ROBO2: variants seen among roughly 807,000 people sequenced by gnomAD.
The protein encoded by ROBO2 is roundabout guidance receptor 2.
Under a neutral mutation model 160.8 loss-of-function variants are expected in ROBO2, and 53 were observed. That is an observed-to-expected ratio of 0.33 (90% CI 0.26 to 0.41). The LOEUF (loss-of-function observed/expected upper bound fraction) is 0.41. ROBO2 is among the 10% of genes least tolerant of loss of function. The probability of loss-of-function intolerance (pLI) is 1.00; values close to 1 mark genes in which losing one functional copy is unlikely to be tolerated. For synonymous variants in ROBO2, 664 were observed against 611.7 expected (o/e 1.09, Z -1.26); for missense variants, 1,577 against 1,722.4 (o/e 0.92, Z 1.49).
rs369512857 is a variant in ROBO2 at position 76,446,146 on chromosome 3, G to A, written c.109+508544G>A. 1.9e-3 allele frequency among the ~76,000 whole-genome samples: 282 copies of A among 152,190 alleles called. 1 individual carries two copies. The highest frequency in any genetic ancestry group is 0.015 in the South Asian group (73 of 4,820). On this transcript the variant is annotated intron_variant, in intron 2 of 26. Transcript: ENST00000487694. The stretch of plus-strand genomic sequence containing the variant: ...GATTGTACATTTAGAAAACCCCATC[G>A]TCTCAGCCCAAAATCTCCTTAATCT...
At position 77,617,466 on chromosome 3, in the gene ROBO2, G is replaced by A. The variant is rs201224556; in HGVS notation, c.3294-47G>A. On this transcript the variant is annotated intron_variant, in intron 21 of 25. Transcript: ENST00000461745. The stretch of plus-strand genomic sequence containing the variant: ...CCAGTATAATTGTGTGCATGTATGT[G>A]TATATGTATTTGTGTCAATGTGCAT... The A allele has an allele frequency of 2.5e-6, 4 of 1,606,818 alleles. No homozygotes were observed. In the South Asian group the frequency reaches 3.3e-5, roughly 13 times the overall value.
At chr3:76,349,194 C>T (rs141325340) in intron 2 of ROBO2, among the ~76,000 whole-genome samples, 74 of 152,052 alleles carry the variant, frequency 4.9e-4, no homozygotes, top group African/African-American at 1.7e-3. Context: ...TTTAAAAGTA[C>T]TTCCTGATTT....
At chr3:76,523,357 C>T (rs2107923746) in intron 2 of ROBO2, among the ~76,000 whole-genome samples, 1 of 151,478 alleles carries the variant, frequency 6.6e-6, no homozygotes, top group East Asian at 1.9e-4. Context: ...TCTCATTTTA[C>T]CTTCCTTCTG....
intron 2 of ROBO2, among the ~76,000 whole-genome samples, chr3:77,277,169 T>TTTCTTTCTTTCTTTC (rs768434495): frequency 0.012 from 1,123 of 95,280 alleles, 10 homozygotes; most frequent in African/African-American, 0.024. Flanking sequence ...TCTTTCTTTC[T>TTTCTTTCTTTCTTTC]TTCTTTCTTT....
chr3:77,300,815 G>T (rs1291021018), intron 2 of ROBO2, among the ~76,000 whole-genome samples: 1 of 151,528 alleles, frequency 6.6e-6, no homozygotes, highest in Non-Finnish European at 1.5e-5. Flanking sequence ...GAGTTGGGGG[G>T]CTTATTTTAA....
chr3:77,205,660 A>G (rs1297057392), intron 2 of ROBO2, among the ~76,000 whole-genome samples: 2 of 152,030 alleles, frequency 1.3e-5, no homozygotes, highest in African/African-American at 2.4e-5. Flanking sequence ...TCTCCTCTCC[A>G]TATCACATGC....
rs541752783 is a variant in ROBO2 at position 76,227,270 on chromosome 3, A to G, written c.109+289668A>G. ...TTAGCTCTGTTCTTAATGTTCTGCC[A>G]TTATTGCGAAGAGTACCAAATGTAA... On this transcript the variant is annotated intron_variant, in intron 2 of 26. Coordinates refer to the ROBO2 transcript ENST00000487694. Among the ~76,000 whole-genome samples, 5 of 152,300 alleles carry G rather than the reference A, an allele frequency of 3.3e-5. No homozygotes were observed. In the South Asian group the frequency reaches 8.3e-4, roughly 25 times the overall value.
intron 6 of ROBO2, among the ~76,000 whole-genome samples, chr3:77,544,608 T>C (rs2092623413): frequency 6.6e-6 from 1 of 152,090 alleles, no homozygotes; most frequent in African/African-American, 2.4e-5. Flanking sequence ...GAAGAATTGG[T>C]TGCGTGTTTG....
intron 2 of ROBO2, among the ~76,000 whole-genome samples, chr3:76,520,773 G>GACAAAACAAA (rs536538735): frequency 4.4e-4 from 67 of 152,018 alleles, no homozygotes; most frequent in African/African-American, 1.6e-3. Context: ...TCCACATCTT[G>GACAAAACAAA]ACAAAACAAA....
intron 6 of ROBO2, among the ~76,000 whole-genome samples, chr3:77,538,334 C>T (rs1030035251): frequency 5.9e-5 from 9 of 151,784 alleles, no homozygotes; most frequent in Non-Finnish European, 1.2e-4. Flanking sequence ...GCCGCCACGA[C>T]GCCCAGATAA....
In ROBO2 at chr3:77,644,811, G is replaced by A. The variant is rs2095395242; in HGVS notation, c.4042G>A (p.Val1348Met). The A allele has an allele frequency of 1.9e-6, 3 of 1,613,984 alleles. No homozygotes were observed. In the African/African-American group the frequency reaches 4.0e-5, roughly 22 times the overall value. Residue 1348 changes from valine (V) to methionine (M), a missense_variant, in exon 25 of 26, where the codon GTG becomes ATG. Coordinates refer to ENST00000461745, the Ensembl canonical transcript of ROBO2. ...ATCCACTGGACCTAGGAAAACCGAGGTGTTGAGAGCAGGCCACCAGCGCAA... is the reference window on the plus strand; with the variant it reads ...ATCCACTGGACCTAGGAAAACCGAGATGTTGAGAGCAGGCCACCAGCGCAA...
intron 1 of ROBO2, among the ~76,000 whole-genome samples, chr3:77,046,272 T>G (rs1456148307): frequency 4.6e-5 from 7 of 152,232 alleles, no homozygotes; most frequent in Admixed American, 4.6e-4. Flanking sequence ...CGAAGGGCCT[T>G]ATGAGTTGGG....
At chr3:76,932,034 A>G (rs1251271434) in intron 2 of ROBO2, among the ~76,000 whole-genome samples, 2 of 152,194 alleles carry the variant, frequency 1.3e-5, no homozygotes, top group African/African-American at 2.4e-5. Flanking sequence ...AACATCCTCC[A>G]AAGACTTTAA....
rs147265806 is a variant in ROBO2, at chr3:77,292,832, C to A, written c.389-184582C>A. Among the ~76,000 whole-genome samples the A allele has an allele frequency of 5.3e-4, 76 of 142,896 alleles. 2 individuals are homozygous for A. Among genetic ancestry groups the A allele is most frequent in the Non-Finnish European group, 1.1e-3 (70 of 65,038 alleles). The allele number at this position is 142,896 out of a possible 152,430, so 93.7% of individuals were successfully genotyped here. On this transcript the variant is annotated intron_variant, in intron 2 of 25. Coordinates refer to ENST00000461745, the Ensembl canonical transcript of ROBO2. ...CACCCCAGATATAAAGTAAAACTGA[C>A]GGTTAAACGGGTAAGCTGAGGCTAG...
At chr3:77,250,256 T>C (rs952137673) in intron 2 of ROBO2, among the ~76,000 whole-genome samples, 2 of 152,178 alleles carry the variant, frequency 1.3e-5, no homozygotes, top group African/African-American at 4.8e-5. Context: ...TCCTCATCTG[T>C]AAAATGGAGA....
intron 2 of ROBO2, among the ~76,000 whole-genome samples, chr3:77,465,854 C>T (rs1246201310): frequency 2.0e-5 from 3 of 152,140 alleles, no homozygotes; most frequent in African/African-American, 7.2e-5. Flanking sequence ...ACATTGTTCT[C>T]CAATCACTGT....
At chr3:77,373,289 T>A (rs758148473) in intron 2 of ROBO2, among the ~76,000 whole-genome samples, 1 of 151,310 alleles carries the variant, frequency 6.6e-6, no homozygotes, top group Admixed American at 6.6e-5. Context: ...AAGCCATATT[T>A]AGTTGCACCT....
At chr3:76,418,749 T>G (rs2075864163) in intron 2 of ROBO2, among the ~76,000 whole-genome samples, 1 of 151,018 alleles carries the variant, frequency 6.6e-6, no homozygotes. Context: ...AAATAAAAAA[T>G]AATCACGTGT....
At chr3:76,913,908 A>T (rs1157132767) in intron 2 of ROBO2, among the ~76,000 whole-genome samples, 1 of 151,844 alleles carries the variant, frequency 6.6e-6, no homozygotes, top group East Asian at 1.9e-4. Context: ...TAACTGTGAA[A>T]AATACTCCTT....
Sources: allele counts gnomAD v4.1 joint callset (sites outside exome capture counted in the v4.1 genomes callset), GRCh38; gene constraint gnomAD v4.1.1; transcripts MANE v1.5; gene names NCBI Gene and HGNC (gene_info 2026-07-23, HGNC 2026-07-21).